SYNRG: variants seen among roughly 807,000 people sequenced by gnomAD.
SYNRG encodes the protein synergin gamma.
A neutral mutation model predicts 130.9 loss-of-function variants in SYNRG; 37 were observed. The ratio of observed to expected loss-of-function variants is 0.28; its 90% CI spans 0.22 to 0.37. SYNRG has a LOEUF of 0.37. Ranked by LOEUF, SYNRG falls within the 10% of genes least tolerant of loss-of-function variation. The pLI is 1.00. For synonymous variants in SYNRG, 539 were observed against 568.1 expected (o/e 0.95, Z 0.73); for missense variants, 1,338 against 1,588.9 (o/e 0.84, Z 2.68).
chr17:37,592,230 C>T (rs965956030), intron 3 of SYNRG, among the ~76,000 whole-genome samples: 1 of 152,030 alleles, frequency 6.6e-6, no homozygotes, highest in African/African-American at 2.4e-5. Context: ...TAAAACCATG[C>T]AAATTAAAAC....
At chr17:37,542,668 CT>C in intron 14 of SYNRG, 103 bp from the exon 15 acceptor site, 2 of 847,674 alleles carry the variant, frequency 2.4e-6, no homozygotes, top group South Asian at 1.8e-5. Context: ...TAGTTTTATA[CT>C]ATGTTGAAAT....
At chr17:37,562,186 G>C (rs1029765751) in intron 11 of SYNRG, among the ~76,000 whole-genome samples, 6 of 152,186 alleles carry the variant, frequency 3.9e-5, no homozygotes, top group Non-Finnish European at 1.5e-5. Context: ...CTGCCATAGA[G>C]TTAATACAAT....
intron 14 of SYNRG, among the ~76,000 whole-genome samples, chr17:37,546,170 GA>G (rs1467568891): frequency 2.0e-5 from 3 of 152,076 alleles, no homozygotes; most frequent in Non-Finnish European, 2.9e-5. Context: ...ATAAATGATA[GA>G]AAAAATGATG....
chr17:37,537,885 C>T (rs948160478), intron 18 of SYNRG, among the ~76,000 whole-genome samples: 4 of 152,158 alleles, frequency 2.6e-5, no homozygotes, highest in African/African-American at 9.7e-5. Flanking sequence ...GGGAGGAACA[C>T]CGAAGTGGAC....
chr17:37,528,603 CTCTT>C (rs1386990210), intron 19 of SYNRG, among the ~76,000 whole-genome samples: 1 of 152,130 alleles, frequency 6.6e-6, no homozygotes, highest in Non-Finnish European at 1.5e-5. Flanking sequence ...TCAATCATGC[CTCTT>C]TCTAATAATG....
chr17:37,567,326 T>A (rs2060071807), intron 11 of SYNRG: 1 of 152,230 alleles, frequency 6.6e-6, no homozygotes, highest in Non-Finnish European at 1.5e-5. Flanking sequence ...TGACTGAATA[T>A]GGTGACATCA....
chr17:37,593,740 C>T (rs1287312390), intron 3 of SYNRG, among the ~76,000 whole-genome samples: 2 of 151,940 alleles, frequency 1.3e-5, no homozygotes, highest in South Asian at 2.1e-4. Flanking sequence ...CAAAATTAGC[C>T]GGGCGTGGTG....
chr17:37,607,955 CA>C (rs67822733), intron 1 of SYNRG, among the ~76,000 whole-genome samples: 925 of 51,124 alleles, frequency 0.018, 21 homozygotes, highest in African/African-American at 0.046. Context: ...GACTTCCTCT[CA>C]AAAAAAAAAA....
Position 37,548,268 on chromosome 17 carries a change from C to T in SYNRG, c.2608+4847G>A, listed in dbSNP as rs559504558. 3.3e-5 allele frequency among the ~76,000 whole-genome samples: 5 copies of T among 152,262 alleles called. No homozygotes were observed. The South Asian group carries it at 1.0e-3, about 32-fold the overall frequency. ...AGCTGGCATTATCACTAGATGGAAG[C>T]TACACTAAGATCTCTTTCTTTCAAA... On this transcript the variant is annotated intron_variant, in intron 14 of 21. Coordinates refer to ENST00000612223, the MANE Select transcript of SYNRG (RefSeq NM_007247.6).
intron 19 of SYNRG, among the ~76,000 whole-genome samples, chr17:37,522,204 CTG>C (rs144401162): frequency 0.12 from 18,801 of 151,558 alleles, 1,154 homozygotes; most frequent in Middle Eastern, 0.16. Flanking sequence ...TCCAGTCACT[CTG>C]TTGCTCAGGC....
chr17:37,550,889 C>T (rs1438236217), intron 14 of SYNRG, among the ~76,000 whole-genome samples: 1 of 152,124 alleles, frequency 6.6e-6, no homozygotes, highest in Non-Finnish European at 1.5e-5. Flanking sequence ...TTCAGTGCCG[C>T]AGATTAAATT....
chr17:37,565,084 T>G (rs1194991557), intron 11 of SYNRG, among the ~76,000 whole-genome samples: 1 of 152,006 alleles, frequency 6.6e-6, no homozygotes, highest in East Asian at 1.9e-4. Flanking sequence ...GACAATATGG[T>G]AAAACCCCAT....
intron 1 of SYNRG, among the ~76,000 whole-genome samples, chr17:37,603,226 G>A (rs2063445762): frequency 6.6e-6 from 1 of 151,806 alleles, no homozygotes; most frequent in African/African-American, 2.4e-5. Flanking sequence ...GTGAATGGCT[G>A]GGTCTGGTGG....
At chr17:37,587,665 A>G (rs907439857) in intron 3 of SYNRG, among the ~76,000 whole-genome samples, 2 of 152,218 alleles carry the variant, frequency 1.3e-5, no homozygotes, top group Non-Finnish European at 2.9e-5. Flanking sequence ...CACTTCAGAC[A>G]TTGCTGTCTT....
At chr17:37,555,947 C>G (rs1022116225) in intron 13 of SYNRG, among the ~76,000 whole-genome samples, 1 of 151,904 alleles carries the variant, frequency 6.6e-6, no homozygotes, top group Non-Finnish European at 1.5e-5. Context: ...GCTATACCAA[C>G]CAACATCATT....
chr17:37,548,839 A>C (rs1438393467), intron 14 of SYNRG, among the ~76,000 whole-genome samples: 2 of 148,102 alleles, frequency 1.4e-5, no homozygotes, highest in East Asian at 4.0e-4. Context: ...AAAAAAAAAA[A>C]AAAACACACA....
intron 3 of SYNRG, among the ~76,000 whole-genome samples, chr17:37,593,878 C>CA (rs36060397): frequency 0.013 from 1,142 of 89,480 alleles, 6 homozygotes; most frequent in Middle Eastern, 0.043. Flanking sequence ...AACTCCCTCT[C>CA]AAAAAAAAAA....
In SYNRG at chr17:37,525,738, C is replaced by T. The variant is rs9907187; in HGVS notation, c.3667-5090G>A. Among the ~76,000 whole-genome samples the T allele has an allele frequency of 7.9e-3, 1,203 of 152,208 alleles. 15 individuals carry two copies. The highest frequency in any genetic ancestry group is 0.027 in the African/African-American group (1,122 of 41,518). On this transcript the variant is annotated intron_variant, in intron 19 of 21. Transcript: ENST00000612223. Reference sequence around the variant, plus strand: ...ATCTCAGCACTTTGGGAGGCCAAGGCGGGCGGATCACGAGGTCAGGCTTTG... The same window carrying T: ...ATCTCAGCACTTTGGGAGGCCAAGGTGGGCGGATCACGAGGTCAGGCTTTG...
chr17:37,562,537 C>G (rs1256711420), intron 11 of SYNRG, among the ~76,000 whole-genome samples: 1 of 152,150 alleles, frequency 6.6e-6, no homozygotes, highest in Non-Finnish European at 1.5e-5. Flanking sequence ...CTATTGAGTT[C>G]TTCGCCCTGG....
Sources: allele counts gnomAD v4.1 joint callset (sites outside exome capture counted in the v4.1 genomes callset), GRCh38; gene constraint gnomAD v4.1.1; transcripts MANE v1.5; gene names NCBI Gene and HGNC (gene_info 2026-07-23, HGNC 2026-07-21).